Variants in STAT4 observed in about 807,000 individuals in gnomAD.
The protein encoded by STAT4 is signal transducer and activator of transcription 4.
STAT4 carries 42 observed loss-of-function variants against 110.5 expected under a neutral mutation model. That is an observed-to-expected ratio of 0.38 (90% confidence interval 0.30 to 0.49). The LOEUF (loss-of-function observed/expected upper bound fraction) is 0.49. STAT4 is among the 20% of genes least tolerant of loss of function. STAT4 has a pLI of 0.95. For missense variants in STAT4, 632 were observed against 887.9 expected, an observed-to-expected ratio of 0.71 and a Z score of 3.66; for synonymous variants, 284 against 302.2, an observed-to-expected ratio of 0.94 and a Z score of 0.63.
In STAT4 at chr2:191,140,064, A is replaced by G. The variant is rs1699281204; in HGVS notation, c.273+6549T>C. ...TGGCAAGCCACATGTAGAAGAATGAAACTGATTTCTCAGCCTATACAAAAA... is the reference window on the plus strand; with the variant it reads ...TGGCAAGCCACATGTAGAAGAATGAGACTGATTTCTCAGCCTATACAAAAA... On this transcript the variant is annotated intron_variant, in intron 3 of 23. Transcript: ENST00000392320. This position sits in a 1 kb window ranked among gnomAD's most constrained non-coding sequence, Gnocchi z 4.4. 2.6e-5 allele frequency among the ~76,000 whole-genome samples: 4 copies of G among 152,168 alleles called. No homozygotes were observed. The highest frequency in any genetic ancestry group is 2.6e-4 in the Admixed American group (4 of 15,268).
Position 191,143,154 on chromosome 2 carries a change from C to T in STAT4, c.273+3459G>A, listed in dbSNP as rs1051429105. 6.6e-6 allele frequency among the ~76,000 whole-genome samples: 1 copy of T among 152,158 alleles called. No homozygotes were observed. Among genetic ancestry groups the T allele is most frequent in the Admixed American group, 6.5e-5 (1 of 15,278 alleles). On this transcript the variant is annotated intron_variant, in intron 3 of 23. Transcript: ENST00000392320. This position sits in a 1 kb window ranked among gnomAD's most constrained non-coding sequence, Gnocchi z 5.6. ...AAACTACTCTTAAAAATAAACTGCA[C>T]TAATTTTTTTAAGGTCCATTAATTT...
At chr2:191,070,094 C>A (rs1193702825) in intron 5 of STAT4, among the ~76,000 whole-genome samples, 1 of 151,978 alleles carries the variant, frequency 6.6e-6, no homozygotes, top group Non-Finnish European at 1.5e-5. Context: ...AATATTTTTG[C>A]CCTTTTAGAA....
intron 1 of STAT4, 29 bp from the exon 2 acceptor site, chr2:191,148,233 T>C: frequency 5.0e-6 from 8 of 1,609,420 alleles, no homozygotes; most frequent in African/African-American, 1.3e-5. Context: ...AATTAGAGTT[T>C]TAAAATATTG....
At chr2:191,149,838 T>C (rs762163367) in intron 1 of STAT4, among the ~76,000 whole-genome samples, 1 of 152,232 alleles carries the variant, frequency 6.6e-6, no homozygotes, top group Non-Finnish European at 1.5e-5. Context: ...TTTTTCATCA[T>C]ACTATTGTTA....
intron 3 of STAT4, among the ~76,000 whole-genome samples, chr2:191,126,976 T>A (rs1178550056): frequency 6.6e-6 from 1 of 152,076 alleles, no homozygotes; most frequent in Admixed American, 6.6e-5. Context: ...CACACCACCA[T>A]GCCCAGCTAA....
intron 13 of STAT4, among the ~76,000 whole-genome samples, chr2:191,054,871 G>A (rs1370179187): frequency 1.1e-4 from 16 of 152,168 alleles, no homozygotes; most frequent in Non-Finnish European, 1.5e-5. Flanking sequence ...TAGCTAAGCT[G>A]TAGGTGATGA....
intron 5 of STAT4, 103 bp downstream of exon 5, chr2:191,072,995 C>A: frequency 1.2e-6 from 1 of 800,748 alleles, no homozygotes; most frequent in Non-Finnish European, 2.0e-6. Context: ...ACAAATTGCC[C>A]TATGATTTCT....
chr2:191,031,386 C>A lies in STAT4; in HGVS notation c.2111+64G>T. 1 of 1,507,290 alleles carries A rather than the reference C, an allele frequency of 6.6e-7. No individual in the cohort carries two copies. Among genetic ancestry groups the A allele is most frequent in the Admixed American group, 1.8e-5 (1 of 54,180 alleles). 93.4% of individuals were successfully genotyped at this position (1,507,290 alleles called of 1,614,324 possible). On this transcript the variant is annotated intron_variant, in intron 22 of 23. Coordinates refer to ENST00000392320, the MANE Select transcript of STAT4 (RefSeq NM_003151.4). The surrounding 1 kb of genome is among the most constrained non-coding windows in gnomAD (Gnocchi z 4.8). ...TCTCAGTTATGTGTACTCTGCTCTA[C>A]CTTTAAATCTCCTATAGGAAAGCTT...
chr2:191,046,664 T>C lies in STAT4; in HGVS notation c.1252-5516A>G, dbSNP rs1399028692. On this transcript the variant is annotated intron_variant, in intron 14 of 23. Coordinates refer to ENST00000392320, the MANE Select transcript of STAT4 (RefSeq NM_003151.4). This position sits in a 1 kb window ranked among gnomAD's most constrained non-coding sequence, Gnocchi z 4.6. ...AAGGAAAACTTTCGGAGTGAGGTGC[T>C]ATGATATTGTGATATAATAAGAAAT... Among the ~76,000 whole-genome samples, 1 of 152,198 alleles carries C rather than the reference T, an allele frequency of 6.6e-6. No homozygotes were observed. Among genetic ancestry groups the C allele is most frequent in the East Asian group, 1.9e-4 (1 of 5,202 alleles).
chr2:191,119,175 T>C (rs545990594), intron 3 of STAT4, among the ~76,000 whole-genome samples: 18 of 152,290 alleles, frequency 1.2e-4, no homozygotes, highest in African/African-American at 3.9e-4. Context: ...CTGTGTATAC[T>C]GGTGAAAAAC....
In STAT4 at chr2:191,039,359, C is replaced by A; in HGVS notation, c.1336-62G>T. On this transcript the variant is annotated intron_variant, in intron 15 of 23. Coordinates refer to ENST00000392320, the MANE Select transcript of STAT4 (RefSeq NM_003151.4). This position sits in a 1 kb window ranked among gnomAD's most constrained non-coding sequence, Gnocchi z 4.7. The stretch of plus-strand genomic sequence containing the variant: ...AGTCCCACCTTACATTGATCTTATG[C>A]TTGACCCTCGCCTCTAAAGGGCCAA... The A allele has an allele frequency of 6.8e-7, 1 of 1,476,324 alleles. No individual in the cohort carries two copies. Among genetic ancestry groups the A allele is most frequent in the South Asian group, 1.1e-5 (1 of 87,888 alleles). The allele number at this position is 1,476,324 out of a possible 1,614,324, so 91.5% of individuals were successfully genotyped here. A position where few individuals can be genotyped will look rare whatever the true frequency, so the allele number is the denominator to read the frequency against.
rs1698588798 is a variant in STAT4 at position 191,116,964 on chromosome 2, G to A, written c.273+29649C>T. Among the ~76,000 whole-genome samples the A allele has an allele frequency of 1.3e-5, 2 of 152,124 alleles. No individual in the cohort carries two copies. The highest frequency in any genetic ancestry group is 2.9e-5 in the Non-Finnish European group (2 of 68,018). On this transcript the variant is annotated intron_variant, in intron 3 of 23. Transcript: ENST00000392320. This position sits in a 1 kb window ranked among gnomAD's most constrained non-coding sequence, Gnocchi z 4.1. Reference sequence around the variant, plus strand: ...AGTGGCAAAGAATAATGAAATATACGTGAGATCTCCATGTGATTCTTTTTG... The same window carrying A: ...AGTGGCAAAGAATAATGAAATATACATGAGATCTCCATGTGATTCTTTTTG...
intron 6 of STAT4, among the ~76,000 whole-genome samples, chr2:191,069,110 T>C (rs889966357): frequency 6.6e-6 from 1 of 152,066 alleles, no homozygotes; most frequent in Non-Finnish European, 1.5e-5. Context: ...TTTTTGAAAA[T>C]AAATACATAG....
chr2:191,124,379 C>T (rs1574179413), intron 3 of STAT4, among the ~76,000 whole-genome samples: 1 of 148,858 alleles, frequency 6.7e-6, no homozygotes, highest in East Asian at 2.0e-4. Context: ...CACTTGAACC[C>T]AGGAGAAGGA....
intron 14 of STAT4, among the ~76,000 whole-genome samples, chr2:191,044,164 C>T (rs1433147204): frequency 1.3e-5 from 2 of 151,856 alleles, no homozygotes; most frequent in Non-Finnish European, 2.9e-5. Context: ...ATGAATAATA[C>T]AAGAAAACTT....
intron 7 of STAT4, among the ~76,000 whole-genome samples, chr2:191,065,478 T>G (rs1158217136): frequency 6.6e-6 from 1 of 152,224 alleles, no homozygotes; most frequent in Admixed American, 6.5e-5. Context: ...GTAAGCTATA[T>G]GAACATGAAC....
At position 191,141,442 on chromosome 2, in the gene STAT4, ATG is replaced by A. The variant is rs1351403681; in HGVS notation, c.273+5169_273+5170del. ...GTATATCACATACATACATATACAT[ATG>A]TATATCACATATATACATATGTATA... On this transcript the variant is annotated intron_variant, in intron 3 of 23. Transcript: ENST00000392320. Among the ~76,000 whole-genome samples, 303 of 45,822 alleles carry A rather than the reference ATG, an allele frequency of 6.6e-3. 3 individuals are homozygous for A. Among genetic ancestry groups the A allele is most frequent in the African/African-American group, 0.022 (295 of 13,132 alleles). 30.1% of individuals were successfully genotyped at this position (45,822 alleles called of 152,430 possible).
At chr2:191,122,921 A>T (rs183744041) in intron 3 of STAT4, among the ~76,000 whole-genome samples, 62 of 152,346 alleles carry the variant, frequency 4.1e-4, no homozygotes, top group African/African-American at 1.4e-3. Flanking sequence ...GATGTATATT[A>T]AAAAAATTCA....
chr2:191,045,961 C>T (rs775323919), intron 14 of STAT4, among the ~76,000 whole-genome samples: 7 of 152,170 alleles, frequency 4.6e-5, no homozygotes, highest in South Asian at 2.1e-4. Flanking sequence ...TCTTTGGTTG[C>T]GCTTGAGACG....
Sources: gnomAD v4.1 joint callset for allele counts (sites outside exome capture counted in the v4.1 genomes callset) on GRCh38, gnomAD v4.1.1 for gene constraint, Gnocchi (gnomAD v3.1) non-coding constraint, MANE v1.5 for transcripts, NCBI Gene and HGNC (gene_info 2026-07-23, HGNC 2026-07-21) for gene names.